The following MEI4 variants were observed in gnomAD, a reference collection of about 807,000 sequenced individuals.
The protein encoded by MEI4 is meiotic double-stranded break formation protein 4, also known as meiosis-specific protein MEI4.
Under a neutral mutation model 31.4 loss-of-function variants are expected in MEI4, and 27 were observed. The ratio of observed to expected loss-of-function variants is 0.86; its 90% CI spans 0.63 to 1.19. The LOEUF is 1.19. Ranked by LOEUF, MEI4 falls within the 50% of genes most tolerant of loss-of-function variation. The pLI is 0.00. For synonymous variants in MEI4, 122 were observed against 145.4 expected (o/e 0.84, Z 1.16); for missense variants, 329 against 398.9 (o/e 0.82, Z 1.49).
chr6:77,685,979 C>CA (rs143871329), intron 1 of MEI4, among the ~76,000 whole-genome samples: 20,455 of 152,106 alleles, frequency 0.13, 1,461 homozygotes, highest in Middle Eastern at 0.2. Context: ...GTCATGGGGA[C>CA]AGCTTTCTCA....
intron 4 of MEI4, among the ~76,000 whole-genome samples, chr6:77,863,691 C>G (rs953207174): frequency 4.6e-5 from 7 of 152,158 alleles, no homozygotes; most frequent in Non-Finnish European, 8.8e-5. Context: ...CCCAATCTAG[C>G]AAGGCAGGCC....
chr6:77,685,410 A>C (rs483965), intron 1 of MEI4, among the ~76,000 whole-genome samples: 1 of 149,354 alleles, frequency 6.7e-6, no homozygotes. Context: ...GGGACTTGCT[A>C]TTGAGTTTTT....
chr6:77,685,978 A>AT (rs1769047009), intron 1 of MEI4, among the ~76,000 whole-genome samples: 5 of 148,278 alleles, frequency 3.4e-5, no homozygotes, highest in Non-Finnish European at 7.6e-5. Context: ...GGTCATGGGG[A>AT]CAGCTTTCTC....
chr6:77,728,397 C>A, intron 2 of MEI4, among the ~76,000 whole-genome samples: 1 of 136,196 alleles, frequency 7.3e-6, no homozygotes, highest in South Asian at 2.2e-4. Flanking sequence ...ATAGTTTTTT[C>A]TTGGGTTATA....
At chr6:77,868,453 CA>C (rs1401217801) in intron 4 of MEI4, among the ~76,000 whole-genome samples, 1 of 126,018 alleles carries the variant, frequency 7.9e-6, no homozygotes, top group Non-Finnish European at 1.6e-5. Context: ...AACAGATCAA[CA>C]GTATCCATAT....
At chr6:77,910,229 A>G (rs1182470924) in intron 4 of MEI4, among the ~76,000 whole-genome samples, 3 of 152,112 alleles carry the variant, frequency 2.0e-5, no homozygotes, top group African/African-American at 7.2e-5. Flanking sequence ...AGGAGAAGGA[A>G]ATAAAGGGCA....
At chr6:77,796,169 A>C (rs151088221) in intron 3 of MEI4, among the ~76,000 whole-genome samples, 74 of 152,346 alleles carry the variant, frequency 4.9e-4, no homozygotes, top group African/African-American at 1.6e-3. Flanking sequence ...GAGAAAATTC[A>C]ATATCCTGTT....
At chr6:77,770,475 A>C (rs1418885541) in intron 3 of MEI4, among the ~76,000 whole-genome samples, 1 of 152,084 alleles carries the variant, frequency 6.6e-6, no homozygotes, top group Non-Finnish European at 1.5e-5. Context: ...TCCTGTCAAA[A>C]TACCAATCTT....
Position 77,873,772 on chromosome 6 carries a change from A to G in MEI4, c.900+44710A>G, listed in dbSNP as rs368319049. The stretch of plus-strand genomic sequence containing the variant: ...GTAAGTCTTTAATCCATCTTGAATT[A>G]ATTTTTGTATAAGGTGTAAGGAAGG... On this transcript the variant is annotated intron_variant, in intron 4 of 4. Coordinates refer to ENST00000684080, the MANE Select transcript of MEI4 (RefSeq NM_001322247.2). Among the ~76,000 whole-genome samples, 36 of 152,202 alleles carry G rather than the reference A, an allele frequency of 2.4e-4. 2 individuals are homozygous for G. The East Asian group carries it at 3.7e-3, about 16-fold the overall frequency.
Position 77,696,733 on chromosome 6 carries a change from G to T in MEI4, c.232+5830G>T, listed in dbSNP as rs9448165. Among the ~76,000 whole-genome samples, 1,054 of 151,160 alleles carry T rather than the reference G, an allele frequency of 7.0e-3. 14 individuals carry two copies. Among genetic ancestry groups the T allele is most frequent in the African/African-American group, 0.024 (988 of 41,184 alleles). On this transcript the variant is annotated intron_variant, in intron 2 of 4. Transcript: ENST00000684080. ...ATATTGGTCTAAAATTCTCTTTTTT[G>T]GTTGTGTCTCTGCCAGGCTTTGGTA... is the stretch of plus-strand genomic sequence containing the variant.
intron 4 of MEI4, among the ~76,000 whole-genome samples, chr6:77,870,374 T>A (rs1231975761): frequency 6.6e-6 from 1 of 152,162 alleles, no homozygotes; most frequent in Non-Finnish European, 1.5e-5. Context: ...TAAGGTAGGC[T>A]AAGCTATGGC....
chr6:77,685,383 G>C (rs1272414549), intron 1 of MEI4, among the ~76,000 whole-genome samples: 1 of 147,262 alleles, frequency 6.8e-6, no homozygotes, highest in East Asian at 2.0e-4. Context: ...TGTTTGCTTT[G>C]GTTGCCTGTG....
chr6:77,839,657 A>G lies in MEI4; in HGVS notation c.900+10595A>G, dbSNP rs1770310495. ...ATGGAAAACTGACAGTGAAACTACC[A>G]CTAACAGAAGGTAGGGCAGAATTTG... On this transcript the variant is annotated intron_variant, in intron 4 of 4. Transcript: ENST00000684080. 3.9e-5 allele frequency among the ~76,000 whole-genome samples: 6 copies of G among 152,292 alleles called. No homozygotes were observed. The South Asian group carries it at 1.2e-3, about 32-fold the overall frequency.
intron 2 of MEI4, among the ~76,000 whole-genome samples, chr6:77,737,925 G>C (rs552825365): frequency 1.1e-4 from 16 of 152,220 alleles, no homozygotes; most frequent in Non-Finnish European, 2.2e-4. Flanking sequence ...TTCAGCTTCT[G>C]AAGTCAAGTC....
At chr6:77,708,594 A>G (rs1437518328) in intron 2 of MEI4, among the ~76,000 whole-genome samples, 1 of 152,210 alleles carries the variant, frequency 6.6e-6, no homozygotes, top group Non-Finnish European at 1.5e-5. Context: ...TGTTCCCTTC[A>G]AATCTCATGT....
chr6:77,858,803 T>C (rs1770797557), intron 4 of MEI4, among the ~76,000 whole-genome samples: 1 of 108,396 alleles, frequency 9.2e-6, no homozygotes. Flanking sequence ...CAGGATATAC[T>C]ACAATTTTTT....
chr6:77,663,033 T>C (rs1292973124), intron 1 of MEI4, among the ~76,000 whole-genome samples: 7 of 152,170 alleles, frequency 4.6e-5, no homozygotes, highest in Admixed American at 3.9e-4. Flanking sequence ...AAAGAAAGCA[T>C]GTTTGAGATC....
rs1412241527 is a variant in MEI4, at chr6:77,735,498, C to T, written c.233-25632C>T. On this transcript the variant is annotated intron_variant, in intron 2 of 4. Transcript: ENST00000684080. ...TTTCAGCTTCATCAGGTCCTTTAAG[C>T]ACTTCTCTGTATTGGTTATTCTAGT... 2.6e-5 allele frequency among the ~76,000 whole-genome samples: 4 copies of T among 151,980 alleles called. No homozygotes were observed. The East Asian group carries it at 5.8e-4, about 22-fold the overall frequency.
chr6:77,703,457 C>T (rs780858935), intron 2 of MEI4, among the ~76,000 whole-genome samples: 1 of 152,174 alleles, frequency 6.6e-6, no homozygotes, highest in South Asian at 2.1e-4. Context: ...AAACCATTCA[C>T]AGTACTTTTG....
Sources: allele counts gnomAD v4.1 joint callset (sites outside exome capture counted in the v4.1 genomes callset), GRCh38; gene constraint gnomAD v4.1.1; transcripts MANE v1.5; gene names NCBI Gene and HGNC (gene_info 2026-07-23, HGNC 2026-07-21).